NLN: variants seen among roughly 807,000 people sequenced by gnomAD.
The protein encoded by NLN is neurolysin.
Under a neutral mutation model 79.9 loss-of-function variants are expected in NLN, and 64 were observed. The observed-to-expected ratio is 0.80, with a 90% CI of 0.65 to 0.99. The LOEUF (loss-of-function observed/expected upper bound fraction) is 0.99, where lower values mean the gene tolerates loss of function less well. Ranked by LOEUF, NLN falls within the 50% of genes least tolerant of loss-of-function variation. The probability of loss-of-function intolerance (pLI) is 0.00; values close to 1 mark genes in which losing one functional copy is unlikely to be tolerated. For synonymous variants in NLN, 267 were observed against 296.6 expected (o/e 0.90, Z 1.02); for missense variants, 835 against 858.7 (o/e 0.97, Z 0.34).
chr5:65,825,799 C>T lies in NLN; in HGVS notation c.*2884C>T, dbSNP rs1760906634. The T allele has an allele frequency of 6.6e-6, 1 of 152,144 alleles. No individual in the cohort carries two copies. The highest frequency in any genetic ancestry group is 2.4e-5 in the African/African-American group (1 of 41,428). 9.4% of individuals were successfully genotyped at this position (152,144 alleles called of 1,614,324 possible). A position where few individuals can be genotyped will look rare whatever the true frequency, so the allele number is the denominator to read the frequency against. ...ATGCCTTAAGTAGCAGGCAGTGACTCAATTTTCTACTTTACCATTTTACCT... is the reference window on the plus strand; with the variant it reads ...ATGCCTTAAGTAGCAGGCAGTGACTTAATTTTCTACTTTACCATTTTACCT... On this transcript the variant is annotated 3_prime_UTR_variant, in exon 13 of 13. Coordinates refer to ENST00000380985, the MANE Select transcript of NLN (RefSeq NM_020726.5).
intron 1 of NLN, among the ~76,000 whole-genome samples, chr5:65,749,096 C>T (rs1759048491): frequency 1.3e-5 from 2 of 152,206 alleles, no homozygotes. Flanking sequence ...CCTCCTTCTC[C>T]TTCTGCTATG....
At chr5:65,761,944 GT>G (rs1384529389) in intron 2 of NLN, among the ~76,000 whole-genome samples, 2 of 152,124 alleles carry the variant, frequency 1.3e-5, no homozygotes, top group African/African-American at 4.8e-5. Flanking sequence ...CAATACTGAA[GT>G]TAATCAAATA....
chr5:65,762,969 C>T lies in NLN; in HGVS notation c.311C>T (p.Thr104Ile). 6.2e-7 allele frequency: 1 copy of T among 1,613,582 alleles called. No individual in the cohort carries two copies. Among genetic ancestry groups the T allele is most frequent in the Non-Finnish European group, 8.5e-7 (1 of 1,179,776 alleles). The change falls in exon 3 of 13, where the codon ACC (threonine) becomes ATC (isoleucine). Residue 104 changes from threonine to isoleucine, a missense_variant. Thr to Ile is a moderately conservative substitution (Grantham distance 89, BLOSUM62 -1). Transcript: ENST00000380985. The part of the protein sequence containing the change: ...DVEVKYIVER[T>I]MLDFPQHVSS... ...TTTTCTCCATCTGCAGTGGAAAGGA[C>T]CATGCTAGACTTTCCCCAGCATGTA... is the stretch of plus-strand genomic sequence containing the variant.
intron 3 of NLN, among the ~76,000 whole-genome samples, chr5:65,773,291 C>G (rs1759610360): frequency 6.6e-6 from 1 of 152,036 alleles, no homozygotes; most frequent in South Asian, 2.1e-4. Context: ...ACCACCATCT[C>G]CAGCTAATTT....
intron 9 of NLN, among the ~76,000 whole-genome samples, chr5:65,803,160 G>T (rs1320224134): frequency 1.3e-5 from 2 of 152,212 alleles, no homozygotes; most frequent in Non-Finnish European, 2.9e-5. Flanking sequence ...ACTCTGGTCT[G>T]CAGGACTGGC....
At chr5:65,819,420 C>A (rs947577558) in intron 12 of NLN, among the ~76,000 whole-genome samples, 1 of 152,122 alleles carries the variant, frequency 6.6e-6, no homozygotes, top group Admixed American at 6.6e-5. Flanking sequence ...AAATCAAGGC[C>A]CCAGGTCACA....
intron 1 of NLN, among the ~76,000 whole-genome samples, chr5:65,747,710 G>T (rs1759015272): frequency 6.6e-6 from 1 of 152,152 alleles, no homozygotes; most frequent in Non-Finnish European, 1.5e-5. Context: ...CAAACCAATG[G>T]TGCAGTTCAC....
chr5:65,823,366 A>G lies in NLN; in HGVS notation c.*451A>G, dbSNP rs1156509190. The G allele has an allele frequency of 1.9e-5, 3 of 156,376 alleles. No individual in the cohort carries two copies. Among genetic ancestry groups the G allele is most frequent in the Admixed American group, 6.3e-5 (1 of 15,790 alleles). The allele number at this position is 156,376 out of a possible 1,614,324, so 9.7% of individuals were successfully genotyped here. A position where few individuals can be genotyped will look rare whatever the true frequency, so the allele number is the denominator to read the frequency against. On this transcript the variant is annotated 3_prime_UTR_variant, in exon 13 of 13. Transcript: ENST00000380985. ...AATATTTTCTTGGAGCTCTGTGTCA[A>G]CTTTGATCCTTTGTCTCCCAGGAAG...
intron 1 of NLN, among the ~76,000 whole-genome samples, chr5:65,754,137 C>T (rs1240311313): frequency 6.6e-6 from 1 of 152,172 alleles, no homozygotes; most frequent in Non-Finnish European, 1.5e-5. Flanking sequence ...TAACTGATTT[C>T]ATCATAGAGG....
chr5:65,777,633 C>A, intron 4 of NLN, 99 bp downstream of exon 4: 1 of 759,506 alleles, frequency 1.3e-6, no homozygotes, highest in Non-Finnish European at 2.2e-6. Context: ...AAATGCTCCA[C>A]AGTCTGCAAC....
At chr5:65,794,759 C>T (rs1316339395) in intron 9 of NLN, among the ~76,000 whole-genome samples, 1 of 152,152 alleles carries the variant, frequency 6.6e-6, no homozygotes, top group Non-Finnish European at 1.5e-5. Context: ...CTGACATGTG[C>T]AGAATCAGTC....
In NLN at chr5:65,752,800, G is replaced by A. The variant is rs73099388; in HGVS notation, c.42-5767G>A. ...TTTAGTTAGAAGTATAAGGCATTCC[G>A]CTGTCACCATTCCTTTTCTTTGGTA... On this transcript the variant is annotated intron_variant, in intron 1 of 12. Coordinates refer to ENST00000380985, the MANE Select transcript of NLN (RefSeq NM_020726.5). Among the ~76,000 whole-genome samples, 1,447 of 152,262 alleles carry A rather than the reference G, an allele frequency of 9.5e-3. 29 individuals carry two copies. The highest frequency in any genetic ancestry group is 0.033 in the African/African-American group (1,388 of 41,550).
intron 1 of NLN, among the ~76,000 whole-genome samples, chr5:65,754,178 G>A (rs1313814371): frequency 6.6e-6 from 1 of 152,158 alleles, no homozygotes; most frequent in East Asian, 1.9e-4. Flanking sequence ...GGAATGGTCA[G>A]GCTTTACAAT....
intron 1 of NLN, among the ~76,000 whole-genome samples, chr5:65,739,361 A>G (rs532013996): frequency 6.6e-6 from 1 of 152,122 alleles, no homozygotes; most frequent in East Asian, 1.9e-4. Context: ...TTCCTTTTTT[A>G]TGGCTGAATA....
intron 1 of NLN, among the ~76,000 whole-genome samples, chr5:65,749,393 C>T (rs571780178): frequency 2.3e-4 from 35 of 152,080 alleles, no homozygotes; most frequent in Non-Finnish European, 4.9e-4. Flanking sequence ...AGAGGTTTAC[C>T]CTGTGTCAAG....
intron 3 of NLN, among the ~76,000 whole-genome samples, chr5:65,775,376 C>G (rs1561196402): frequency 6.6e-6 from 1 of 152,208 alleles, no homozygotes; most frequent in Non-Finnish European, 1.5e-5. Context: ...GGCTGTCCCC[C>G]TGTAGCCTTA....
chr5:65,782,341 G>A (rs1561199625), intron 6 of NLN, among the ~76,000 whole-genome samples: 1 of 152,118 alleles, frequency 6.6e-6, no homozygotes, highest in Non-Finnish European at 1.5e-5. Context: ...CCAAACTTTT[G>A]TAGGCCAGAC....
chr5:65,787,969 G>C, intron 7 of NLN, 149 bp from the exon 8 acceptor site: 2 of 729,324 alleles, frequency 2.7e-6, no homozygotes, highest in South Asian at 1.9e-5. Context: ...CCTCCCTCAC[G>C]TTTTTCCTCC....
chr5:65,729,912 C>G lies in NLN; in HGVS notation c.41+7498C>G, dbSNP rs540747389. Among the ~76,000 whole-genome samples, 39 of 152,306 alleles carry G rather than the reference C, an allele frequency of 2.6e-4. No homozygotes were observed. In the South Asian group the frequency reaches 8.1e-3, roughly 32 times the overall value. On this transcript the variant is annotated intron_variant, in intron 1 of 12. Transcript: ENST00000380985. Reference sequence around the variant, plus strand: ...AGTGCATGTAGCATCATAGAGTCGACTATATAAATCTAGAAACAGCTCGCC... The same window carrying G: ...AGTGCATGTAGCATCATAGAGTCGAGTATATAAATCTAGAAACAGCTCGCC...
Sources: gnomAD v4.1 joint callset for allele counts (sites outside exome capture counted in the v4.1 genomes callset) on GRCh38, gnomAD v4.1.1 for gene constraint, MANE v1.5 for transcripts, NCBI Gene and HGNC (gene_info 2026-07-23, HGNC 2026-07-21) for gene names.